The following ROR1 variants were observed in gnomAD, a reference collection of about 807,000 sequenced individuals.
The protein encoded by ROR1 is ROR family WNT receptor 1.
In ROR1, 19 loss-of-function variants were observed where a neutral mutation model predicts 78.8. That is an observed-to-expected ratio of 0.24 (90% CI 0.17 to 0.35). ROR1 has a LOEUF of 0.35. Among genes scored for constraint, ROR1 ranks in the 10% least tolerant of loss-of-function variants. The pLI is 1.00. For missense variants in ROR1, 917 were observed against 1,177.8 expected, an observed-to-expected ratio of 0.78 and a Z score of 3.24; for synonymous variants, 386 against 433.6, an observed-to-expected ratio of 0.89 and a Z score of 1.36.
chr1:63,777,206 ATCT>A (rs1384756588), intron 1 of ROR1, among the ~76,000 whole-genome samples: 2 of 152,142 alleles, frequency 1.3e-5, no homozygotes, highest in Non-Finnish European at 2.9e-5. Context: ...CTTTCTCAAA[ATCT>A]TATAGATTCT....
intron 1 of ROR1, among the ~76,000 whole-genome samples, chr1:63,873,521 G>A (rs1324205172): frequency 6.6e-6 from 1 of 152,034 alleles, no homozygotes; most frequent in East Asian, 1.9e-4. Flanking sequence ...CTGTCTCTTC[G>A]TAGATTCATT....
chr1:64,077,590 A>T (rs903646517), intron 4 of ROR1, among the ~76,000 whole-genome samples: 6 of 152,216 alleles, frequency 3.9e-5, no homozygotes, highest in South Asian at 2.1e-4. Context: ...GAACTCAAAG[A>T]GGCTGGCTGC....
intron 4 of ROR1, among the ~76,000 whole-genome samples, chr1:64,127,485 T>C (rs551449951): frequency 6.6e-6 from 1 of 151,364 alleles, no homozygotes; most frequent in Admixed American, 6.6e-5. Context: ...CTGTCTCCTC[T>C]CTCTGTCTCT....
At position 63,831,131 on chromosome 1, in the gene ROR1, T is replaced by C. The variant is rs564730622; in HGVS notation, c.91+56623T>C. ...CACCCCTGACACACAGCTGCTTTCA[T>C]GGGCTGGCATTGAGTGCCTGCACCT... On this transcript the variant is annotated intron_variant, in intron 1 of 8. Coordinates refer to ENST00000371079, the MANE Select transcript of ROR1 (RefSeq NM_005012.4). Among the ~76,000 whole-genome samples, 10 of 152,322 alleles carry C rather than the reference T, an allele frequency of 6.6e-5. No homozygotes were observed. In the South Asian group the frequency reaches 2.1e-3, roughly 32 times the overall value.
intron 1 of ROR1, among the ~76,000 whole-genome samples, chr1:63,924,864 G>T (rs1193920267): frequency 6.7e-6 from 1 of 149,406 alleles, no homozygotes. Context: ...GCCTGACCCT[G>T]TCCACATTTT....
intron 4 of ROR1, among the ~76,000 whole-genome samples, chr1:64,120,014 G>A (rs1648470640): frequency 6.6e-6 from 1 of 152,300 alleles, no homozygotes; most frequent in Middle Eastern, 3.4e-3. Context: ...GTGTATTGTG[G>A]CAGTCCAGTC....
chr1:63,941,718 A>T (rs920058365), intron 1 of ROR1, among the ~76,000 whole-genome samples: 1 of 152,198 alleles, frequency 6.6e-6, no homozygotes, highest in African/African-American at 2.4e-5. Flanking sequence ...AGGGCTTTGT[A>T]TGGATCATAA....
At chr1:63,782,149 A>G (rs1266727205) in intron 1 of ROR1, among the ~76,000 whole-genome samples, 1 of 152,230 alleles carries the variant, frequency 6.6e-6, no homozygotes, top group South Asian at 2.1e-4. Context: ...ATAAGGTTAG[A>G]TCATTGCCTT....
intron 1 of ROR1, among the ~76,000 whole-genome samples, chr1:63,940,478 T>C (rs927297768): frequency 1.4e-5 from 2 of 146,500 alleles, no homozygotes; most frequent in East Asian, 2.0e-4. Context: ...GATAGATAGA[T>C]AGACAGATAG....
intron 1 of ROR1, among the ~76,000 whole-genome samples, chr1:63,800,110 T>C (rs975377711): frequency 6.6e-6 from 1 of 152,168 alleles, no homozygotes; most frequent in African/African-American, 2.4e-5. Context: ...GGATGCTTCA[T>C]AGACAGATGA....
intron 1 of ROR1, among the ~76,000 whole-genome samples, chr1:64,007,067 G>A (rs1023279711): frequency 2.0e-5 from 3 of 152,100 alleles, no homozygotes; most frequent in African/African-American, 7.2e-5. Context: ...TTGAGTACTG[G>A]TCAGCATGGG....
At chr1:63,964,207 A>G (rs1206810797) in intron 1 of ROR1, among the ~76,000 whole-genome samples, 1 of 152,176 alleles carries the variant, frequency 6.6e-6, no homozygotes, top group East Asian at 1.9e-4. Flanking sequence ...GACAGAGTTC[A>G]CAGCTCTTTG....
intron 1 of ROR1, among the ~76,000 whole-genome samples, chr1:63,933,261 G>A (rs1425996568): frequency 2.0e-5 from 3 of 152,064 alleles, no homozygotes; most frequent in African/African-American, 7.2e-5. Context: ...CCAAGCTTCT[G>A]GACCTTTCAC....
intron 2 of ROR1, among the ~76,000 whole-genome samples, chr1:64,031,079 G>A (rs1323151775): frequency 6.6e-6 from 1 of 152,092 alleles, no homozygotes; most frequent in African/African-American, 2.4e-5. Flanking sequence ...TGTTTCCCAG[G>A]CTGGTCCTGA....
chr1:64,093,086 G>A (rs11208354), intron 4 of ROR1, among the ~76,000 whole-genome samples: 91,601 of 151,574 alleles, frequency 0.6, 29,101 homozygotes, highest in African/African-American at 0.81. Flanking sequence ...TCTAAGCAAC[G>A]CCGGGTTGTT....
Position 63,995,219 on chromosome 1 carries a change from A to AT in ROR1, c.92-14077dup, listed in dbSNP as rs202147085. On this transcript the variant is annotated intron_variant, in intron 1 of 8. Transcript: ENST00000371079. Reference sequence around the variant, plus strand: ...TGCAAAATTAATTACATGGAAAATTATTTTTTTTTCTAATAAGATAATGAA... The same window carrying AT: ...TGCAAAATTAATTACATGGAAAATTATTTTTTTTTTCTAATAAGATAATGAA... Among the ~76,000 whole-genome samples the AT allele has an allele frequency of 5.5e-3, 834 of 151,826 alleles. 4 individuals are homozygous for AT. Among genetic ancestry groups the AT allele is most frequent in the African/African-American group, 0.017 (701 of 41,424 alleles).
chr1:63,979,757 C>G (rs1002730727), intron 1 of ROR1, among the ~76,000 whole-genome samples: 1 of 152,116 alleles, frequency 6.6e-6, no homozygotes, highest in Non-Finnish European at 1.5e-5. Context: ...GAAAGGCCAT[C>G]ATAAATAGTA....
intron 1 of ROR1, among the ~76,000 whole-genome samples, chr1:63,851,195 G>C (rs1045705152): frequency 6.6e-6 from 1 of 152,142 alleles, no homozygotes; most frequent in Admixed American, 6.5e-5. Context: ...GGCCAGGATG[G>C]TCTCAATTTC....
At chr1:63,777,938 C>T (rs1439939098) in intron 1 of ROR1, among the ~76,000 whole-genome samples, 1 of 152,148 alleles carries the variant, frequency 6.6e-6, no homozygotes, top group Non-Finnish European at 1.5e-5. Flanking sequence ...CTGATATATG[C>T]TTTGCTTAGT....
Sources: allele counts gnomAD v4.1 joint callset (sites outside exome capture counted in the v4.1 genomes callset), GRCh38; gene constraint gnomAD v4.1.1; transcripts MANE v1.5; gene names NCBI Gene and HGNC (gene_info 2026-07-23, HGNC 2026-07-21).